Variants in PTPRM observed in about 807,000 individuals in gnomAD.
PTPRM encodes the protein protein tyrosine phosphatase receptor type M, also known as receptor-type tyrosine-protein phosphatase mu.
Under a neutral mutation model 186.7 loss-of-function variants are expected in PTPRM, and 47 were observed. The ratio of observed to expected loss-of-function variants is 0.25; its 90% CI spans 0.20 to 0.32. The LOEUF (loss-of-function observed/expected upper bound fraction) is 0.32, where lower values mean the gene tolerates loss of function less well. PTPRM is among the 10% of genes least tolerant of loss of function. The pLI is 1.00. For missense variants in PTPRM, 1,494 were observed against 1,865.0 expected (o/e 0.80, Z 3.66); for synonymous variants, 668 against 674.9 (o/e 0.99, Z 0.16).
Position 7,856,771 on chromosome 18 carries a change from G to A in PTPRM, c.197-31335G>A, listed in dbSNP as rs1268127344. ...AAAAAAAAAAAGTCATCAAGAGTGTGCCTGCTTTGAATGACACTACTGTTA... is the reference window on the plus strand; with the variant it reads ...AAAAAAAAAAAGTCATCAAGAGTGTACCTGCTTTGAATGACACTACTGTTA... On this transcript the variant is annotated intron_variant, in intron 2 of 32. Transcript: ENST00000580170. Among the ~76,000 whole-genome samples, 7 of 151,388 alleles carry A rather than the reference G, an allele frequency of 4.6e-5. 1 individual carries two copies. The highest frequency in any genetic ancestry group is 1.2e-4 in the African/African-American group (5 of 41,132).
At chr18:7,631,464 T>TG (rs2038190277) in intron 1 of PTPRM, among the ~76,000 whole-genome samples, 1 of 151,986 alleles carries the variant, frequency 6.6e-6, no homozygotes, top group Admixed American at 6.6e-5. Context: ...TTTTTTTTTT[T>TG]TGTAATTTCA....
chr18:7,651,735 T>G (rs2144283138), intron 1 of PTPRM, among the ~76,000 whole-genome samples: 1 of 151,780 alleles, frequency 6.6e-6, no homozygotes, highest in African/African-American at 2.4e-5. Context: ...TCGTTACACC[T>G]TATACAAAAA....
chr18:8,086,084 T>C (rs2090418035), intron 10 of PTPRM, among the ~76,000 whole-genome samples: 1 of 152,182 alleles, frequency 6.6e-6, no homozygotes, highest in Non-Finnish European at 1.5e-5. Context: ...AGGAAGTGGC[T>C]ATTGTTTTAG....
intron 7 of PTPRM, among the ~76,000 whole-genome samples, chr18:7,965,943 C>G (rs2054014331): frequency 6.6e-6 from 1 of 152,160 alleles, no homozygotes; most frequent in Non-Finnish European, 1.5e-5. Flanking sequence ...GATAATGCTG[C>G]TTGTGCTTTT....
chr18:7,883,989 T>TA (rs144965463), intron 2 of PTPRM, among the ~76,000 whole-genome samples: 4 of 151,356 alleles, frequency 2.6e-5, no homozygotes, highest in African/African-American at 9.7e-5. Flanking sequence ...AAATAAAAAA[T>TA]AAAAAAAATT....
chr18:8,084,674 T>C (rs1331747896), intron 9 of PTPRM, among the ~76,000 whole-genome samples: 3 of 152,194 alleles, frequency 2.0e-5, no homozygotes, highest in African/African-American at 7.2e-5. Flanking sequence ...AGTTTACCTA[T>C]TTAAAAGCAA....
At chr18:7,831,565 C>T (rs1254272724) in intron 2 of PTPRM, among the ~76,000 whole-genome samples, 1 of 152,010 alleles carries the variant, frequency 6.6e-6, no homozygotes, top group East Asian at 1.9e-4. Flanking sequence ...GCATAACAAC[C>T]ACATCATGAA....
chr18:7,997,567 ACAAT>A (rs2147723446), intron 7 of PTPRM, among the ~76,000 whole-genome samples: 1 of 152,330 alleles, frequency 6.6e-6, no homozygotes, highest in Admixed American at 6.5e-5. Context: ...AGCAAAGGAG[ACAAT>A]CAAGAAAGTG....
At chr18:7,834,849 G>A (rs2045953740) in intron 2 of PTPRM, among the ~76,000 whole-genome samples, 1 of 152,020 alleles carries the variant, frequency 6.6e-6, no homozygotes, top group African/African-American at 2.4e-5. Context: ...TAGCTTTTAT[G>A]TGTTTAGGGA....
chr18:7,862,595 G>T (rs991870851), intron 2 of PTPRM, among the ~76,000 whole-genome samples: 2 of 152,190 alleles, frequency 1.3e-5, no homozygotes, highest in African/African-American at 4.8e-5. Flanking sequence ...GAGGCACAAG[G>T]AGATGGAGGG....
chr18:8,269,723 T>G (rs2147608696), intron 19 of PTPRM, among the ~76,000 whole-genome samples: 1 of 151,962 alleles, frequency 6.6e-6, no homozygotes. Flanking sequence ...AGCCCAGAAA[T>G]AAACTCATGC....
intron 5 of PTPRM, among the ~76,000 whole-genome samples, chr18:7,943,305 G>A (rs1442798680): frequency 6.6e-6 from 1 of 152,062 alleles, no homozygotes; most frequent in African/African-American, 2.4e-5. Context: ...ATGCCTTCCT[G>A]GTCTGGCCTC....
At chr18:8,290,599 G>T (rs1261160181) in intron 19 of PTPRM, among the ~76,000 whole-genome samples, 1 of 152,140 alleles carries the variant, frequency 6.6e-6, no homozygotes. Flanking sequence ...TATGCAGGAT[G>T]TTCAATTTCC....
At chr18:7,821,330 G>A (rs1007019862) in intron 2 of PTPRM, among the ~76,000 whole-genome samples, 1 of 152,078 alleles carries the variant, frequency 6.6e-6, no homozygotes, top group Non-Finnish European at 1.5e-5. Flanking sequence ...TCTCCAGTTA[G>A]AATCTAGAGA....
intron 1 of PTPRM, among the ~76,000 whole-genome samples, chr18:7,691,811 C>T (rs72899355): frequency 1.8e-4 from 27 of 152,138 alleles, no homozygotes; most frequent in African/African-American, 5.8e-4. Context: ...GGCACATGCT[C>T]GTAGTCCAAG....
chr18:7,750,126 C>T (rs1344359927), intron 1 of PTPRM, among the ~76,000 whole-genome samples: 1 of 152,188 alleles, frequency 6.6e-6, no homozygotes, highest in Non-Finnish European at 1.5e-5. Context: ...ATAGGAATTA[C>T]AGGATAGTGT....
intron 2 of PTPRM, among the ~76,000 whole-genome samples, chr18:7,839,532 C>T (rs1276451072): frequency 6.6e-6 from 1 of 152,220 alleles, no homozygotes; most frequent in Non-Finnish European, 1.5e-5. Flanking sequence ...GAGCATTGCC[C>T]TATCCTGCTG....
At chr18:7,985,015 A>AT (rs2082824834) in intron 7 of PTPRM, among the ~76,000 whole-genome samples, 1 of 126,914 alleles carries the variant, frequency 7.9e-6, no homozygotes, top group African/African-American at 3.1e-5. Context: ...ATATACATAT[A>AT]ATTATATATA....
chr18:8,302,767 T>C (rs1185201498), intron 20 of PTPRM, among the ~76,000 whole-genome samples: 1 of 151,892 alleles, frequency 6.6e-6, no homozygotes, highest in Non-Finnish European at 1.5e-5. Context: ...TGATGGGCAG[T>C]TGAACAGGTA....
Sources: allele counts gnomAD v4.1 joint callset (sites outside exome capture counted in the v4.1 genomes callset), GRCh38; gene constraint gnomAD v4.1.1; transcripts MANE v1.5; gene names NCBI Gene and HGNC (gene_info 2026-07-23, HGNC 2026-07-21).